MAP2K5: variants seen among roughly 807,000 people sequenced by gnomAD.
MAP2K5 encodes the protein mitogen-activated protein kinase kinase 5, also known as dual specificity mitogen-activated protein kinase kinase 5.
Under a neutral mutation model 83.1 loss-of-function variants are expected in MAP2K5, and 49 were observed. The ratio of observed to expected loss-of-function variants is 0.59; its 90% CI spans 0.47 to 0.75. The LOEUF (loss-of-function observed/expected upper bound fraction) is 0.75. Among genes scored for constraint, MAP2K5 ranks in the 30% least tolerant of loss-of-function variants. The pLI is 0.00. For synonymous variants in MAP2K5, 202 were observed against 191.8 expected (o/e 1.05, Z -0.44); for missense variants, 457 against 557.5 (o/e 0.82, Z 1.82).
chr15:67,574,511 G>T (rs1298927145), intron 3 of MAP2K5, among the ~76,000 whole-genome samples: 1 of 151,774 alleles, frequency 6.6e-6, no homozygotes, highest in Admixed American at 6.6e-5. Context: ...GGCGGAAGTT[G>T]TATTGAGCCA....
intron 21 of MAP2K5, among the ~76,000 whole-genome samples, chr15:67,776,798 G>C (rs1364540867): frequency 6.6e-6 from 1 of 152,146 alleles, no homozygotes; most frequent in Admixed American, 6.5e-5. Flanking sequence ...GGTAGCTAAG[G>C]TCAGGATGTG....
chr15:67,667,168 T>C (rs1567347269), intron 13 of MAP2K5, among the ~76,000 whole-genome samples: 1 of 152,212 alleles, frequency 6.6e-6, no homozygotes, highest in Non-Finnish European at 1.5e-5. Flanking sequence ...TTTGTCCATA[T>C]TTAATAACTT....
In MAP2K5 at chr15:67,698,922, C is replaced by A. The variant is rs370723628; in HGVS notation, c.973-4415C>A. ...GATTCATTTAATCTTCACACAACCCCAGGAGGTATACGTATTACTACTATT... is the reference window on the plus strand; with the variant it reads ...GATTCATTTAATCTTCACACAACCCAAGGAGGTATACGTATTACTACTATT... On this transcript the variant is annotated intron_variant, in intron 15 of 21. Transcript: ENST00000178640. The surrounding 1 kb of genome is among the most constrained non-coding windows in gnomAD (Gnocchi z 4.5). 4.0e-4 allele frequency among the ~76,000 whole-genome samples: 61 copies of A among 152,144 alleles called. No individual in the cohort carries two copies. Among genetic ancestry groups the A allele is most frequent in the African/African-American group, 1.2e-3 (51 of 41,430 alleles).
intron 8 of MAP2K5, among the ~76,000 whole-genome samples, chr15:67,630,272 T>G (rs1007946701): frequency 6.6e-6 from 1 of 152,218 alleles, no homozygotes; most frequent in African/African-American, 2.4e-5. Flanking sequence ...ACAAAAGGTC[T>G]TGATGGATAG....
chr15:67,613,881 C>G lies in MAP2K5; in HGVS notation c.545+13132C>G, dbSNP rs17301587. Among the ~76,000 whole-genome samples the G allele has an allele frequency of 8.4e-3, 1,284 of 151,956 alleles. 41 individuals are homozygous for G. The highest frequency in any genetic ancestry group is 0.062 in the Admixed American group (948 of 15,272). ...CTCACTTTTCAGAGGTGCATTTACT[C>G]TTTGACCCACTAGGGTACTATTTAG... is the stretch of plus-strand genomic sequence containing the variant. On this transcript the variant is annotated intron_variant, in intron 8 of 21. Coordinates refer to ENST00000178640, the MANE Select transcript of MAP2K5 (RefSeq NM_145160.3).
At position 67,702,731 on chromosome 15, in the gene MAP2K5, T is replaced by C. The variant is rs1953462435; in HGVS notation, c.973-606T>C. On this transcript the variant is annotated intron_variant, in intron 15 of 21. Transcript: ENST00000178640. The surrounding 1 kb of genome is among the most constrained non-coding windows in gnomAD (Gnocchi z 4.6). Reference sequence around the variant, plus strand: ...AGTCCCAAATGGACCTTTCAGACTGTTCCTTGGTTCATATACAAAGAAACT... The same window carrying C: ...AGTCCCAAATGGACCTTTCAGACTGCTCCTTGGTTCATATACAAAGAAACT... Among the ~76,000 whole-genome samples the C allele has an allele frequency of 6.6e-6, 1 of 152,184 alleles. No individual in the cohort carries two copies. The highest frequency in any genetic ancestry group is 1.5e-5 in the Non-Finnish European group (1 of 68,040).
At position 67,547,473 on chromosome 15, in the gene MAP2K5, T is replaced by C. The variant is rs529417608; in HGVS notation, c.136-2561T>C. Among the ~76,000 whole-genome samples, 1,310 of 143,122 alleles carry C rather than the reference T, an allele frequency of 9.2e-3. 15 individuals are homozygous for C. The highest frequency in any genetic ancestry group is 0.034 in the African/African-American group (1,255 of 37,404). The allele number at this position is 143,122 out of a possible 152,430, so 93.9% of individuals were successfully genotyped here. A position where few individuals can be genotyped will look rare whatever the true frequency, so the allele number is the denominator to read the frequency against. On this transcript the variant is annotated intron_variant, in intron 1 of 21. Transcript: ENST00000178640. ...CTTTTTTCTTTTTTTTTTTTTTTTT[T>C]GAGACAGAGTCTCGCTTTGTTGCCC...
At chr15:67,564,450 A>G (rs2084799893) in intron 3 of MAP2K5, among the ~76,000 whole-genome samples, 1 of 152,200 alleles carries the variant, frequency 6.6e-6, no homozygotes, top group African/African-American at 2.4e-5. Context: ...AGCTTCAGCC[A>G]GGATATTGTT....
At chr15:67,732,240 G>A (rs1173349190) in intron 17 of MAP2K5, among the ~76,000 whole-genome samples, 2 of 152,110 alleles carry the variant, frequency 1.3e-5, no homozygotes, top group South Asian at 2.1e-4. Context: ...AAACATAATG[G>A]TGGGCAATGG....
rs1165373913 is a variant in MAP2K5 at position 67,644,252 on chromosome 15, G to A, written c.586-1979G>A. On this transcript the variant is annotated intron_variant, in intron 9 of 21. Coordinates refer to ENST00000178640, the MANE Select transcript of MAP2K5 (RefSeq NM_145160.3). The surrounding 1 kb of genome is among the most constrained non-coding windows in gnomAD (Gnocchi z 4.6). ...GCGCTAAAAATAGAAAAATCAACCG[G>A]GTGTGGTGGCAGGTGCCTGTAATCC... Among the ~76,000 whole-genome samples the A allele has an allele frequency of 6.6e-6, 1 of 152,128 alleles. No homozygotes were observed. The highest frequency in any genetic ancestry group is 1.5e-5 in the Non-Finnish European group (1 of 68,022).
At chr15:67,566,275 A>G (rs1030176702) in intron 3 of MAP2K5, among the ~76,000 whole-genome samples, 3 of 152,058 alleles carry the variant, frequency 2.0e-5, no homozygotes, top group African/African-American at 7.2e-5. Flanking sequence ...CCTGGGTTCA[A>G]GTGATTCTCA....
intron 19 of MAP2K5, among the ~76,000 whole-genome samples, chr15:67,767,949 A>C (rs1231001408): frequency 6.6e-6 from 1 of 152,178 alleles, no homozygotes; most frequent in Admixed American, 6.6e-5. Flanking sequence ...TAGAATTGCT[A>C]ACCATCCCTT....
chr15:67,805,782 C>T (rs1363618887), intron 21 of MAP2K5, among the ~76,000 whole-genome samples: 2 of 152,226 alleles, frequency 1.3e-5, no homozygotes, highest in Non-Finnish European at 2.9e-5. Context: ...GGCAAGAAGC[C>T]ACTTGGTGAA....
intron 8 of MAP2K5, among the ~76,000 whole-genome samples, chr15:67,625,932 T>A (rs999523232): frequency 3.9e-5 from 6 of 152,194 alleles, no homozygotes; most frequent in African/African-American, 1.4e-4. Context: ...CAGTATGGTA[T>A]GTATATTAGA....
intron 13 of MAP2K5, among the ~76,000 whole-genome samples, chr15:67,673,055 T>G (rs1018361770): frequency 1.3e-5 from 2 of 152,106 alleles, no homozygotes; most frequent in African/African-American, 2.4e-5. Context: ...TGCTGTTTTG[T>G]TTACTGTAGC....
chr15:67,649,378 C>T (rs1013598182), intron 11 of MAP2K5, among the ~76,000 whole-genome samples: 6 of 151,546 alleles, frequency 4.0e-5, no homozygotes, highest in African/African-American at 1.5e-4. Flanking sequence ...TTTTGAGCTG[C>T]GGTCTCATTA....
At position 67,585,943 on chromosome 15, in the gene MAP2K5, A is replaced by G. The variant is rs759635259; in HGVS notation, c.363+13A>G. The G allele has an allele frequency of 1.1e-5, 18 of 1,611,732 alleles. No homozygotes were observed. The East Asian group carries it at 3.1e-4, about 28-fold the overall frequency. On this transcript the variant is annotated intron_variant, in intron 5 of 21. Transcript: ENST00000178640. ...ACATGGCCTGAAGGTACGAATTTCA[A>G]TAATTGTTTCAGTAAAGTTAGATGG...
At chr15:67,628,778 G>A in intron 8 of MAP2K5, 1 of 755,598 alleles carries the variant, frequency 1.3e-6, no homozygotes, top group Non-Finnish European at 2.4e-6. Flanking sequence ...AAACTTTGGT[G>A]GTGGTTGTGG....
rs2090710772 is a variant in MAP2K5, at chr15:67,801,767, A to G, written c.1243-4879A>G. ...CAGTAAGTAGATGTATACATACAGA[A>G]TATAGAAGTCACCTTTTCATGAGGG... On this transcript the variant is annotated intron_variant, in intron 21 of 21. Transcript: ENST00000178640. The surrounding 1 kb of genome is among the most constrained non-coding windows in gnomAD (Gnocchi z 4.8). 6.6e-6 allele frequency among the ~76,000 whole-genome samples: 1 copy of G among 152,212 alleles called. No homozygotes were observed. Among genetic ancestry groups the G allele is most frequent in the Non-Finnish European group, 1.5e-5 (1 of 68,038 alleles).
Sources: allele counts gnomAD v4.1 joint callset (sites outside exome capture counted in the v4.1 genomes callset), GRCh38; gene constraint gnomAD v4.1.1; non-coding constraint Gnocchi (gnomAD v3.1); transcripts MANE v1.5; gene names NCBI Gene and HGNC (gene_info 2026-07-23, HGNC 2026-07-21).